TBC1D16: variants seen among roughly 807,000 people sequenced by gnomAD.
TBC1D16 encodes TBC1 domain family member 16, also known as CTD-2529O21.1.
A neutral mutation model predicts 74.7 loss-of-function variants in TBC1D16; 58 were observed. That is an observed-to-expected ratio of 0.78 (90% CI 0.63 to 0.97). The LOEUF is 0.97. Among genes scored for constraint, TBC1D16 ranks in the 50% least tolerant of loss-of-function variants. The probability of loss-of-function intolerance (pLI) is 0.00; values close to 1 mark genes in which losing one functional copy is unlikely to be tolerated. For missense variants in TBC1D16, 1,014 were observed against 1,079.5 expected, an observed-to-expected ratio of 0.94 and a Z score of 0.85; for synonymous variants, 493 against 474.7, an observed-to-expected ratio of 1.04 and a Z score of -0.50.
rs969085315 is a variant in TBC1D16, at chr17:80,019,763, A to C, written c.-62-6154T>G. Among the ~76,000 whole-genome samples the C allele has an allele frequency of 4.7e-4, 70 of 149,752 alleles. 8 individuals are homozygous for C. The highest frequency in any genetic ancestry group is 1.8e-3 in the African/African-American group (70 of 39,196). ...ATCCTAAGACATTTATGTATTCTCTACTATATTTTGTGCCCTATAATGAAT... is the reference window on the plus strand; with the variant it reads ...ATCCTAAGACATTTATGTATTCTCTCCTATATTTTGTGCCCTATAATGAAT... On this transcript the variant is annotated intron_variant, in intron 1 of 11. Coordinates refer to ENST00000310924, the MANE Select transcript of TBC1D16 (RefSeq NM_019020.4).
In TBC1D16 at chr17:79,994,687, G is replaced by T. The variant is rs936260771; in HGVS notation, c.779+15473C>A. On this transcript the variant is annotated intron_variant, in intron 3 of 11. Transcript: ENST00000310924. This position sits in a 1 kb window ranked among gnomAD's most constrained non-coding sequence, Gnocchi z 4.6. ...GATCCACCAGCCTCGGCATCCCAAA[G>T]TGCTGGGATTACAGGCGTGAGCCAT... Among the ~76,000 whole-genome samples, 1 of 152,134 alleles carries T rather than the reference G, an allele frequency of 6.6e-6. No homozygotes were observed. The highest frequency in any genetic ancestry group is 2.4e-5 in the African/African-American group (1 of 41,444).
chr17:79,948,034 G>C (rs1041776594), intron 8 of TBC1D16, among the ~76,000 whole-genome samples: 81 of 152,340 alleles, frequency 5.3e-4, no homozygotes, highest in African/African-American at 1.9e-3. Context: ...GGCCTGGCCG[G>C]GCGCGGTGGC....
intron 1 of TBC1D16, among the ~76,000 whole-genome samples, chr17:80,025,050 C>T (rs2036508591): frequency 8.4e-6 from 1 of 119,190 alleles, no homozygotes; most frequent in Non-Finnish European, 1.8e-5. Flanking sequence ...ATGACACAAC[C>T]AGGCACACAC....
chr17:79,960,762 C>A (rs2033557987), intron 3 of TBC1D16, among the ~76,000 whole-genome samples: 1 of 81,200 alleles, frequency 1.2e-5, no homozygotes, highest in African/African-American at 5.5e-5. Flanking sequence ...CTCAAAAAAA[C>A]CCAAAAAACA....
rs914142473 is a variant in TBC1D16, at chr17:80,008,190, G to A, written c.779+1970C>T. 1.3e-5 allele frequency among the ~76,000 whole-genome samples: 2 copies of A among 152,102 alleles called. No homozygotes were observed. Among genetic ancestry groups the A allele is most frequent in the African/African-American group, 4.8e-5 (2 of 41,398 alleles). ...AGCCAGGTTGAAGAACCAGCAAGGC[G>A]AAGGGCGGGGAAAAGCGAACCGGGG... is the stretch of plus-strand genomic sequence containing the variant. On this transcript the variant is annotated intron_variant, in intron 3 of 11. Transcript: ENST00000310924. The surrounding 1 kb of genome is among the most constrained non-coding windows in gnomAD (Gnocchi z 4.5).
intron 9 of TBC1D16, among the ~76,000 whole-genome samples, chr17:79,946,052 G>A (rs2032507535): frequency 6.6e-6 from 1 of 152,210 alleles, no homozygotes; most frequent in African/African-American, 2.4e-5. Context: ...GCAGGTGCCT[G>A]CACCTCCCTG....
rs1598396871 is a variant in TBC1D16, at chr17:79,990,638, G to A, written c.779+19522C>T. Among the ~76,000 whole-genome samples the A allele has an allele frequency of 6.6e-6, 1 of 152,096 alleles. No individual in the cohort carries two copies. Among genetic ancestry groups the A allele is most frequent in the Non-Finnish European group, 1.5e-5 (1 of 68,024 alleles). ...CACCACCTTAACCGTTTTCAACGTC[G>A]AGCCCAGTGGCATTATACCATTCCT... On this transcript the variant is annotated intron_variant, in intron 3 of 11. Transcript: ENST00000310924. This position sits in a 1 kb window ranked among gnomAD's most constrained non-coding sequence, Gnocchi z 4.8.
rs749374568 is a variant in TBC1D16, at chr17:79,950,539, G to A, written c.1129C>T (p.Arg377Cys). ...PDKTCMQFSI[R>C]RPKLPSSETH... ...TCGGAGGACGGCAGCTTGGGGCGGC[G>A]GATGGAGAACTGCATGCATGTCTTA... Residue 377 changes from arginine to cysteine, a missense_variant, in exon 6 of 12, where the codon CGC becomes TGC. Physicochemically the swap from Arg to Cys is radical, Grantham distance 180 (BLOSUM62 -3). Coordinates refer to ENST00000310924, the MANE Select transcript of TBC1D16 (RefSeq NM_019020.4). This position sits in a 1 kb window ranked among gnomAD's most constrained non-coding sequence, Gnocchi z 4.6. The A allele has an allele frequency of 2.5e-6, 4 of 1,613,080 alleles. No individual in the cohort carries two copies. The highest frequency in any genetic ancestry group is 3.3e-5 in the Admixed American group (2 of 59,918).
intron 1 of TBC1D16, among the ~76,000 whole-genome samples, chr17:80,014,590 G>A (rs2036022065): frequency 6.6e-6 from 1 of 151,980 alleles, no homozygotes; most frequent in South Asian, 2.1e-4. Context: ...AAAATACTGA[G>A]GATGAGGGAA....
At chr17:80,005,968 T>C (rs1272773071) in intron 3 of TBC1D16, among the ~76,000 whole-genome samples, 2 of 152,084 alleles carry the variant, frequency 1.3e-5, no homozygotes, top group East Asian at 3.9e-4. Flanking sequence ...CACATGCAGT[T>C]CTTCAGATCC....
intron 3 of TBC1D16, among the ~76,000 whole-genome samples, chr17:79,972,636 G>A (rs570736473): frequency 4.5e-4 from 69 of 152,212 alleles, no homozygotes; most frequent in Non-Finnish European, 8.1e-4. Context: ...GTAGAATAGA[G>A]GCTGCCAGGG....
chr17:80,013,396 C>G lies in TBC1D16; in HGVS notation c.152G>C (p.Gly51Ala). ...KNNVCVHPPE[G>A]LQGLGEHHPG... ...GTGGTGCTCCCCCAGCCCCTGCAGCCCCTCCGGCGGGTGCACGCAGACATT... is the reference window on the plus strand; with the variant it reads ...GTGGTGCTCCCCCAGCCCCTGCAGCGCCTCCGGCGGGTGCACGCAGACATT... The change falls in exon 2 of 12, where the codon GGG (glycine) becomes GCG (alanine). Residue 51 changes from glycine to alanine, a missense_variant. Transcript: ENST00000310924. The G allele has an allele frequency of 6.2e-7, 1 of 1,609,014 alleles. No homozygotes were observed. The highest frequency in any genetic ancestry group is 8.5e-7 in the Non-Finnish European group (1 of 1,178,190).
At chr17:79,977,559 T>C (rs996993680) in intron 3 of TBC1D16, among the ~76,000 whole-genome samples, 4 of 152,152 alleles carry the variant, frequency 2.6e-5, no homozygotes, top group African/African-American at 9.7e-5. Context: ...GAGAGAGAGC[T>C]CTCCGCACCT....
intron 4 of TBC1D16, chr17:79,951,993 G>C (rs888471365): frequency 6.7e-5 from 11 of 163,166 alleles, no homozygotes; most frequent in Admixed American, 2.5e-4. Flanking sequence ...GACCTCCTTC[G>C]TTGCGTGTGG....
chr17:80,022,587 C>A (rs2036323270), intron 1 of TBC1D16, among the ~76,000 whole-genome samples: 1 of 149,462 alleles, frequency 6.7e-6, no homozygotes, highest in Non-Finnish European at 1.5e-5. Context: ...GATCCACCTG[C>A]CTTGGCCTCC....
chr17:80,014,911 CGT>C (rs2036032309), intron 1 of TBC1D16, among the ~76,000 whole-genome samples: 1 of 152,094 alleles, frequency 6.6e-6, no homozygotes, highest in African/African-American at 2.4e-5. Flanking sequence ...CGACCTGGGA[CGT>C]ATGAAATGTA....
Position 80,010,042 on chromosome 17 carries a change from G to C in TBC1D16, c.779+118C>G, listed in dbSNP as rs189103628. The C allele has an allele frequency of 1.1e-3, 982 of 888,596 alleles. 14 individuals carry two copies. In the East Asian group the frequency reaches 0.024, roughly 22 times the overall value. The allele number at this position is 888,596 out of a possible 1,614,324, so 55.0% of individuals were successfully genotyped here. A position where few individuals can be genotyped will look rare whatever the true frequency, so the allele number is the denominator to read the frequency against. ...ACAGCCACGGCCACAGCCGCGGGCA[G>C]GTCGGGCAGATGCCTCCAGCGCTCA... On this transcript the variant is annotated intron_variant, in intron 3 of 11. Transcript: ENST00000310924. The surrounding 1 kb of genome is among the most constrained non-coding windows in gnomAD (Gnocchi z 8.8).
chr17:79,947,730 G>C lies in TBC1D16; in HGVS notation c.1643C>G (p.Ser548Ter). Residue 548 changes from serine (S) to a stop codon, truncating the protein, a stop_gained, in exon 9 of 12, where the codon TCA becomes TGA. Coordinates refer to ENST00000310924, the MANE Select transcript of TBC1D16 (RefSeq NM_019020.4). LOFTEE classifies it high-confidence loss of function. ...APILAEVLDESDTFWCFVGLM... is the reference protein window; with the variant it reads ...APILAEVLDE ...ACCCACAAAGCACCAGAAGGTGTCT[G>C]ACTCATCCAGGACCTCGGCCAAGAT... is the stretch of plus-strand genomic sequence containing the variant. 1 of 1,614,076 alleles carries C rather than the reference G, an allele frequency of 6.2e-7. No homozygotes were observed. Among genetic ancestry groups the C allele is most frequent in the Non-Finnish European group, 8.5e-7 (1 of 1,180,030 alleles).
intron 9 of TBC1D16, among the ~76,000 whole-genome samples, chr17:79,945,348 G>A (rs1598320129): frequency 6.6e-6 from 1 of 152,198 alleles, no homozygotes; most frequent in East Asian, 1.9e-4. Flanking sequence ...AGAGTGTTGT[G>A]CCCGGGCGTG....
Sources: allele counts gnomAD v4.1 joint callset (sites outside exome capture counted in the v4.1 genomes callset), GRCh38; gene constraint gnomAD v4.1.1; non-coding constraint Gnocchi (gnomAD v3.1); transcripts MANE v1.5; gene names NCBI Gene and HGNC (gene_info 2026-07-23, HGNC 2026-07-21).